PRKN: variants seen among roughly 807,000 people sequenced by gnomAD.
The protein encoded by PRKN is parkin RBR E3 ubiquitin protein ligase.
A neutral mutation model predicts 59.5 loss-of-function variants in PRKN; 56 were observed. That is an observed-to-expected ratio of 0.94 (90% CI 0.76 to 1.18). The LOEUF (loss-of-function observed/expected upper bound fraction) is 1.18. Ranked by LOEUF, PRKN falls within the 50% of genes most tolerant of loss-of-function variation. The pLI, the probability that PRKN is intolerant of heterozygous loss-of-function variation, is 0.00. For missense variants in PRKN, 657 were observed against 596.4 expected (o/e 1.10, Z -1.06); for synonymous variants, 250 against 222.1 (o/e 1.13, Z -1.12).
At chr6:162,253,918 A>G (rs1471007348) in intron 3 of PRKN, among the ~76,000 whole-genome samples, 1 of 152,106 alleles carries the variant, frequency 6.6e-6, no homozygotes, top group African/African-American at 2.4e-5. Context: ...CCAAGCTGTG[A>G]CTTTATGTTC....
chr6:162,602,910 C>A (rs963174631), intron 1 of PRKN, among the ~76,000 whole-genome samples: 5 of 152,120 alleles, frequency 3.3e-5, no homozygotes, highest in African/African-American at 1.2e-4. Flanking sequence ...TAAGAGGCTG[C>A]AGGACGGCAA....
chr6:162,284,059 T>G (rs1023413888), intron 2 of PRKN, among the ~76,000 whole-genome samples: 15 of 152,076 alleles, frequency 9.9e-5, no homozygotes, highest in African/African-American at 3.1e-4. Context: ...ATCTGAGAAC[T>G]TCATGAATGG....
intron 1 of PRKN, among the ~76,000 whole-genome samples, chr6:162,577,924 G>A (rs927077215): frequency 1.3e-5 from 2 of 152,114 alleles, no homozygotes; most frequent in African/African-American, 4.8e-5. Flanking sequence ...GTGAGACTCT[G>A]TCTCAAAAAC....
At chr6:161,394,924 T>C (rs979131843) in intron 9 of PRKN, among the ~76,000 whole-genome samples, 9 of 152,220 alleles carry the variant, frequency 5.9e-5, no homozygotes, top group African/African-American at 2.2e-4. Context: ...AAAGGGAAAA[T>C]AAACTTAAAA....
At chr6:162,508,141 C>T (rs1044291242) in intron 1 of PRKN, among the ~76,000 whole-genome samples, 4 of 152,120 alleles carry the variant, frequency 2.6e-5, no homozygotes, top group African/African-American at 9.7e-5. Flanking sequence ...TACATGGCAG[C>T]GGCAAGAGAA....
chr6:161,692,947 C>CAAAA (rs59954623), intron 7 of PRKN, among the ~76,000 whole-genome samples: 1 of 120,900 alleles, frequency 8.3e-6, no homozygotes, highest in African/African-American at 3.3e-5. Context: ...GACTCTGTCT[C>CAAAA]AAAAAAAAAA....
chr6:161,752,186 G>T (rs969541276), intron 7 of PRKN, among the ~76,000 whole-genome samples: 1 of 151,912 alleles, frequency 6.6e-6, no homozygotes, highest in African/African-American at 2.4e-5. Context: ...CCTGGCCAAC[G>T]TGGTGAAACC....
In PRKN at chr6:161,525,752, A is replaced by G. The variant is rs1004787657; in HGVS notation, c.1083+23102T>C. Among the ~76,000 whole-genome samples the G allele has an allele frequency of 1.3e-5, 2 of 152,194 alleles. No homozygotes were observed. The highest frequency in any genetic ancestry group is 4.8e-5 in the African/African-American group (2 of 41,452). On this transcript the variant is annotated intron_variant, in intron 9 of 11. Coordinates refer to ENST00000366898, the MANE Select transcript of PRKN (RefSeq NM_004562.3). The surrounding 1 kb of genome is among the most constrained non-coding windows in gnomAD (Gnocchi z 4.7). ...AGCGCATTGCATCAGAAATGCTTCT[A>G]TGTTAATCTGGAAATAGGTGTTCTA... is the stretch of plus-strand genomic sequence containing the variant.
intron 7 of PRKN, among the ~76,000 whole-genome samples, chr6:161,733,969 CACACA>C: frequency 9.7e-6 from 1 of 102,812 alleles, no homozygotes; most frequent in Middle Eastern, 4.5e-3. Context: ...TACACACACA[CACACA>C]CACACACACA....
intron 6 of PRKN, among the ~76,000 whole-genome samples, chr6:161,944,095 G>A (rs143076706): frequency 9.5e-4 from 112 of 118,054 alleles, no homozygotes; most frequent in Middle Eastern, 8.8e-3. Flanking sequence ...CAGCCTGAGG[G>A]ATCAGCCTGA....
At chr6:162,363,884 GC>G (rs1785281260) in intron 2 of PRKN, among the ~76,000 whole-genome samples, 3 of 152,114 alleles carry the variant, frequency 2.0e-5, no homozygotes, top group Non-Finnish European at 4.4e-5. Flanking sequence ...AAGAGATAAG[GC>G]AAGGTCTTCC....
intron 3 of PRKN, among the ~76,000 whole-genome samples, chr6:162,232,990 G>C (rs548249349): frequency 2.6e-5 from 4 of 152,210 alleles, no homozygotes; most frequent in Admixed American, 2.0e-4. Context: ...CAGCATAAAA[G>C]TGTGTTTATT....
At chr6:162,565,399 T>C (rs575589862) in intron 1 of PRKN, among the ~76,000 whole-genome samples, 131 of 152,182 alleles carry the variant, frequency 8.6e-4, no homozygotes, top group African/African-American at 3.0e-3. Context: ...AATAATAACA[T>C]TGGCCGGGAG....
intron 1 of PRKN, among the ~76,000 whole-genome samples, chr6:162,515,141 GGT>G (rs1347065242): frequency 1.3e-5 from 2 of 149,130 alleles, no homozygotes; most frequent in Non-Finnish European, 3.0e-5. Flanking sequence ...GGAGTGCAAT[GGT>G]GTAATCTCGG....
intron 2 of PRKN, chr6:162,274,926 A>C (rs1425915039): frequency 6.6e-6 from 1 of 151,750 alleles, no homozygotes; most frequent in Non-Finnish European, 1.5e-5. Context: ...CTAAAAATAC[A>C]AAAAATTAGC....
chr6:162,414,726 A>AAAAAAAAAAAAAAAGGT (rs34838356), intron 2 of PRKN, among the ~76,000 whole-genome samples: 44 of 91,868 alleles, frequency 4.8e-4, no homozygotes, highest in African/African-American at 1.7e-3. Flanking sequence ...AAAAAAAAAA[A>AAAAAAAAAAAAAAAGGT]AGTGAATCTT....
Position 162,027,529 on chromosome 6 carries a change from C to A in PRKN, c.618+26562G>T, listed in dbSNP as rs574836153. The stretch of plus-strand genomic sequence containing the variant: ...AGAATAAGTAAGCAATACCTTTATC[C>A]TGTTACAAAACTAAAGAAATATCAG... On this transcript the variant is annotated intron_variant, in intron 5 of 11. Coordinates refer to ENST00000366898, the MANE Select transcript of PRKN (RefSeq NM_004562.3). 3.3e-5 allele frequency among the ~76,000 whole-genome samples: 5 copies of A among 152,286 alleles called. No individual in the cohort carries two copies. The South Asian group carries it at 1.0e-3, about 32-fold the overall frequency.
chr6:162,171,783 G>A (rs1783290629), intron 4 of PRKN, among the ~76,000 whole-genome samples: 2 of 152,022 alleles, frequency 1.3e-5, no homozygotes, highest in Admixed American at 6.6e-5. Context: ...ACATTACATG[G>A]TGCATTTGCC....
intron 2 of PRKN, among the ~76,000 whole-genome samples, chr6:162,425,203 A>G (rs1281342469): frequency 6.6e-6 from 1 of 152,180 alleles, no homozygotes; most frequent in African/African-American, 2.4e-5. Flanking sequence ...TATATAGTCC[A>G]TTTTTCACAA....
Sources: gnomAD v4.1 joint callset for allele counts (sites outside exome capture counted in the v4.1 genomes callset) on GRCh38, gnomAD v4.1.1 for gene constraint, Gnocchi (gnomAD v3.1) non-coding constraint, MANE v1.5 for transcripts, NCBI Gene and HGNC (gene_info 2026-07-23, HGNC 2026-07-21) for gene names.